The following NAP1L4 variants were observed in gnomAD, a reference collection of about 807,000 sequenced individuals.
NAP1L4 encodes nucleosome assembly protein 1-like 4.
NAP1L4 carries 15 observed loss-of-function variants against 58.2 expected under a neutral mutation model. That is an observed-to-expected ratio of 0.26 (90% CI 0.17 to 0.40). The LOEUF (loss-of-function observed/expected upper bound fraction) is 0.40, where lower values mean the gene tolerates loss of function less well. Ranked by LOEUF, NAP1L4 falls within the 10% of genes least tolerant of loss-of-function variation. The pLI is 1.00. For synonymous variants in NAP1L4, 171 were observed against 155.6 expected, an observed-to-expected ratio of 1.10 and a Z score of -0.74; for missense variants, 384 against 451.1, an observed-to-expected ratio of 0.85 and a Z score of 1.35.
rs1204138403 is a variant in NAP1L4 at position 2,946,625 on chromosome 11, C to T, written c.*33-979G>A. On this transcript the variant is annotated intron_variant, in intron 15 of 15. Transcript: ENST00000380542. This position sits in a 1 kb window ranked among gnomAD's most constrained non-coding sequence, Gnocchi z 4.8. The stretch of plus-strand genomic sequence containing the variant: ...TAAATGATATCTTCCACAGTATAAG[C>T]TGAGGCTACAGTTCATTCTTTTGGA... Among the ~76,000 whole-genome samples, 1 of 152,164 alleles carries T rather than the reference C, an allele frequency of 6.6e-6. No homozygotes were observed. Among genetic ancestry groups the T allele is most frequent in the African/African-American group, 2.4e-5 (1 of 41,430 alleles).
rs1464836009 is a variant in NAP1L4, at chr11:2,949,407, T to G, written c.1123-143A>C. ...AACTCGGGGTGAACAACTTCAACAC[T>G]AGATCATACTTTCAAAATGGGCAGA... On this transcript the variant is annotated intron_variant, in intron 14 of 15. Transcript: ENST00000380542. The surrounding 1 kb of genome is among the most constrained non-coding windows in gnomAD (Gnocchi z 4.0). 1 of 690,278 alleles carries G rather than the reference T, an allele frequency of 1.4e-6. No homozygotes were observed. The highest frequency in any genetic ancestry group is 1.8e-5 in the African/African-American group (1 of 55,456). The allele number at this position is 690,278 out of a possible 1,614,324, so 42.8% of individuals were successfully genotyped here.
Position 2,959,270 on chromosome 11 carries a change from C to T in NAP1L4, c.746+500G>A, listed in dbSNP as rs1210040329. On this transcript the variant is annotated intron_variant, in intron 9 of 15. Coordinates refer to ENST00000380542, the MANE Select transcript of NAP1L4 (RefSeq NM_005969.4). This position sits in a 1 kb window ranked among gnomAD's most constrained non-coding sequence, Gnocchi z 4.9. Reference sequence around the variant, plus strand: ...GACTAAAACCATTTCTCAGTCAACCCAACCTGGAGAAATTAATTCTAAACC... The same window carrying T: ...GACTAAAACCATTTCTCAGTCAACCTAACCTGGAGAAATTAATTCTAAACC... Among the ~76,000 whole-genome samples, 2 of 152,318 alleles carry T rather than the reference C, an allele frequency of 1.3e-5. No homozygotes were observed. The highest frequency in any genetic ancestry group is 3.9e-4 in the East Asian group (2 of 5,182).
rs1328471458 is a variant in NAP1L4 at position 2,949,358 on chromosome 11, A to C, written c.1123-94T>G. ...GAGGAAACGGCCACAATTTCTCATGATACAAAAGGGCTGCAAGATACTGAA... is the reference window on the plus strand; with the variant it reads ...GAGGAAACGGCCACAATTTCTCATGCTACAAAAGGGCTGCAAGATACTGAA... On this transcript the variant is annotated intron_variant, in intron 14 of 15. Transcript: ENST00000380542. This position sits in a 1 kb window ranked among gnomAD's most constrained non-coding sequence, Gnocchi z 4.0. The C allele has an allele frequency of 5.9e-6, 6 of 1,022,910 alleles. No homozygotes were observed. The highest frequency in any genetic ancestry group is 9.3e-6 in the Non-Finnish European group (6 of 646,810). The allele number at this position is 1,022,910 out of a possible 1,614,324, so 63.4% of individuals were successfully genotyped here.
chr11:2,983,193 C>G (rs1341892066), intron 1 of NAP1L4, among the ~76,000 whole-genome samples: 2 of 152,136 alleles, frequency 1.3e-5, no homozygotes, highest in African/African-American at 4.8e-5. Context: ...AGCCCCAGAG[C>G]CCCTAACAGT....
intron 4 of NAP1L4, among the ~76,000 whole-genome samples, 170 bp downstream of exon 4, chr11:2,975,853 TA>T (rs1415457594): frequency 2.0e-5 from 3 of 152,192 alleles, no homozygotes; most frequent in Non-Finnish European, 4.4e-5. Context: ...ACTCTCAGCC[TA>T]GGCACCGGGT....
intron 1 of NAP1L4, among the ~76,000 whole-genome samples, chr11:2,991,507 C>T (rs1198461600): frequency 6.6e-6 from 1 of 152,040 alleles, no homozygotes; most frequent in Non-Finnish European, 1.5e-5. Flanking sequence ...AGACTTGCTG[C>T]CCACCTTGGC....
At chr11:2,991,517 C>T (rs1390087329) in intron 1 of NAP1L4, among the ~76,000 whole-genome samples, 1 of 152,106 alleles carries the variant, frequency 6.6e-6, no homozygotes, top group Non-Finnish European at 1.5e-5. Context: ...CCCACCTTGG[C>T]TGGGAAACCA....
At chr11:2,963,798 G>A (rs1473846805) in intron 8 of NAP1L4, 1 of 519,154 alleles carries the variant, frequency 1.9e-6, no homozygotes, top group Non-Finnish European at 3.8e-6. Context: ...GAAACTGAAA[G>A]CCACCAGTCA....
chr11:2,966,413 T>TAACAGACCTCTC (rs57530484), intron 7 of NAP1L4, among the ~76,000 whole-genome samples: 127,135 of 151,634 alleles, frequency 0.84, 53,739 homozygotes, highest in African/African-American at 0.94. Context: ...CTGTATCTGA[T>TAACAGACCTCTC]AACAGACCTC....
In NAP1L4 at chr11:2,992,128, C is replaced by T. The variant is rs1849015330; in HGVS notation, c.-18+126G>A. ...AGAACGCGGCCCCGCCCCTGCCCCACCGCCCCGAGGCTTCCAGAGATGGCC... is the reference window on the plus strand; with the variant it reads ...AGAACGCGGCCCCGCCCCTGCCCCATCGCCCCGAGGCTTCCAGAGATGGCC... On this transcript the variant is annotated intron_variant, in intron 1 of 15. Coordinates refer to ENST00000380542, the MANE Select transcript of NAP1L4 (RefSeq NM_005969.4). 2.6e-5 allele frequency: 4 copies of T among 151,472 alleles called. No homozygotes were observed. The South Asian group carries it at 7.0e-4, about 27-fold the overall frequency. 9.4% of individuals were successfully genotyped at this position (151,472 alleles called of 1,614,324 possible).
Position 2,946,546 on chromosome 11 carries a change from C to T in NAP1L4, c.*33-900G>A, listed in dbSNP as rs1845949240. Among the ~76,000 whole-genome samples the T allele has an allele frequency of 6.6e-6, 1 of 152,192 alleles. No homozygotes were observed. The highest frequency in any genetic ancestry group is 2.4e-5 in the African/African-American group (1 of 41,446). On this transcript the variant is annotated intron_variant, in intron 15 of 15. Transcript: ENST00000380542. This position sits in a 1 kb window ranked among gnomAD's most constrained non-coding sequence, Gnocchi z 4.8. Reference sequence around the variant, plus strand: ...ACAAATTGCCCTTAATCCAGCGTGCCTATGGAACCTAAGAACTTGTACTGT... The same window carrying T: ...ACAAATTGCCCTTAATCCAGCGTGCTTATGGAACCTAAGAACTTGTACTGT...
Position 2,972,254 on chromosome 11 carries a change from G to C in NAP1L4, c.174-11C>G, listed in dbSNP as rs756914553. 1.3e-6 allele frequency: 2 copies of C among 1,591,994 alleles called. No individual in the cohort carries two copies. Among genetic ancestry groups the C allele is most frequent in the Non-Finnish European group, 1.7e-6 (2 of 1,173,232 alleles). On this transcript the variant is annotated splice_polypyrimidine_tract_variant and intron_variant, in intron 4 of 15. Coordinates refer to ENST00000380542, the MANE Select transcript of NAP1L4 (RefSeq NM_005969.4). ...ACTGCTTTAGGTAAACTAAAAAAGG[G>C]AGTAAGAAATACAACATCCTCATGC...
At position 2,954,786 on chromosome 11, in the gene NAP1L4, C is replaced by T. The variant is rs1304693580; in HGVS notation, c.916-140G>A. On this transcript the variant is annotated intron_variant, in intron 11 of 15. Coordinates refer to ENST00000380542, the MANE Select transcript of NAP1L4 (RefSeq NM_005969.4). The surrounding 1 kb of genome is among the most constrained non-coding windows in gnomAD (Gnocchi z 4.8). ...AACTCCTGCACTGCTGGGGGACAGC[C>T]ACTAGACACTCAAAGCCCCTTTAAA... is the stretch of plus-strand genomic sequence containing the variant. 2 of 1,069,966 alleles carry T rather than the reference C, an allele frequency of 1.9e-6. No individual in the cohort carries two copies. Among genetic ancestry groups the T allele is most frequent in the Non-Finnish European group, 2.8e-6 (2 of 716,450 alleles). The allele number at this position is 1,069,966 out of a possible 1,614,324, so 66.3% of individuals were successfully genotyped here.
chr11:2,979,165 C>T (rs10488674), intron 2 of NAP1L4, 42 bp downstream of exon 2: 363,331 of 1,587,334 alleles, frequency 0.23, 45,226 homozygotes, highest in African/African-American at 0.42. Context: ...TGCTCACCAA[C>T]TGAATTTTAA....
At chr11:2,967,346 C>T (rs749492685) in intron 7 of NAP1L4, among the ~76,000 whole-genome samples, 5 of 152,316 alleles carry the variant, frequency 3.3e-5, no homozygotes, top group Non-Finnish European at 7.3e-5. Flanking sequence ...GGCACGGTGG[C>T]TCACGCCTGT....
chr11:2,970,464 A>G (rs1310576153), intron 6 of NAP1L4, among the ~76,000 whole-genome samples: 1 of 152,182 alleles, frequency 6.6e-6, no homozygotes, highest in Non-Finnish European at 1.5e-5. Context: ...CTGCAGCAAG[A>G]AAGTGCTCAG....
chr11:2,974,898 T>C (rs1847856699), intron 4 of NAP1L4, among the ~76,000 whole-genome samples: 1 of 152,106 alleles, frequency 6.6e-6, no homozygotes, highest in Non-Finnish European at 1.5e-5. Flanking sequence ...AGTGGTGGCG[T>C]GCACCTGCAA....
At chr11:2,976,423 G>A (rs1362950927) in intron 3 of NAP1L4, among the ~76,000 whole-genome samples, 3 of 152,126 alleles carry the variant, frequency 2.0e-5, no homozygotes, top group African/African-American at 4.8e-5. Context: ...AACAACTGAG[G>A]ACATCATTAA....
Position 2,976,514 on chromosome 11 carries a change from TAA to T in NAP1L4, c.74-393_74-392del, listed in dbSNP as rs748301902. Among the ~76,000 whole-genome samples, 22 of 152,280 alleles carry T rather than the reference TAA, an allele frequency of 1.4e-4. No homozygotes were observed. In the East Asian group the frequency reaches 2.1e-3, roughly 15 times the overall value. On this transcript the variant is annotated intron_variant, in intron 3 of 15. Coordinates refer to ENST00000380542, the MANE Select transcript of NAP1L4 (RefSeq NM_005969.4). ...CAGAGATGAGATCAGTTCCTCAAAG[TAA>T]AAGAGCATCCACTAGCTCCCTTGCT... is the stretch of plus-strand genomic sequence containing the variant.
Sources: allele counts gnomAD v4.1 joint callset (sites outside exome capture counted in the v4.1 genomes callset), GRCh38; gene constraint gnomAD v4.1.1; non-coding constraint Gnocchi (gnomAD v3.1); transcripts MANE v1.5; gene names NCBI Gene and HGNC (gene_info 2026-07-23, HGNC 2026-07-21).